The following CLINT1 variants were observed in gnomAD, a reference collection of about 807,000 sequenced individuals.
CLINT1 encodes clathrin interactor 1.
Under a neutral mutation model 70.4 loss-of-function variants are expected in CLINT1, and 15 were observed. The ratio of observed to expected loss-of-function variants is 0.21; its 90% confidence interval spans 0.14 to 0.33. CLINT1 has a LOEUF of 0.33. Among genes scored for constraint, CLINT1 ranks in the 10% least tolerant of loss-of-function variants. The pLI is 1.00. For missense variants in CLINT1, 615 were observed against 778.1 expected, an observed-to-expected ratio of 0.79 and a Z score of 2.49; for synonymous variants, 227 against 254.7, an observed-to-expected ratio of 0.89 and a Z score of 1.04.
chr5:157,814,273 G>A lies in CLINT1; in HGVS notation c.264C>T (p.Tyr88=), dbSNP rs764427998. 6 of 1,609,298 alleles carry A rather than the reference G, an allele frequency of 3.7e-6. No homozygotes were observed. The Admixed American group carries it at 5.0e-5, about 14-fold the overall frequency. Residue 88 remains tyrosine, a synonymous_variant, in exon 4 of 12, where the codon TAC becomes TAT. Transcript: ENST00000411809. Reference sequence around the variant, plus strand: ...CACGCTCTGATCCATTCCTTATGAGGTAAGCTAGGAGCAGCAACGACTGCA... The same window carrying A: ...CACGCTCTGATCCATTCCTTATGAGATAAGCTAGGAGCAGCAACGACTGCA... ...RVYKSLLLLA[Y]LIRNGSERVV... is the part of the protein sequence containing the mutation.
intron 1 of CLINT1, among the ~76,000 whole-genome samples, chr5:157,834,113 A>T (rs1349486895): frequency 6.7e-6 from 1 of 150,198 alleles, no homozygotes; most frequent in Admixed American, 6.6e-5. Flanking sequence ...AGGCCAAGGC[A>T]AGCGGATTGC....
intron 1 of CLINT1, among the ~76,000 whole-genome samples, chr5:157,846,297 G>A (rs772768006): frequency 1.6e-4 from 24 of 152,200 alleles, no homozygotes; most frequent in Non-Finnish European, 2.9e-4. Flanking sequence ...CTAGTCTAGT[G>A]AACACAACAA....
rs750520152 is a variant in CLINT1 at position 157,787,863 on chromosome 5, G to A, written c.1661C>T (p.Pro554Leu). The A allele has an allele frequency of 6.2e-7, 1 of 1,613,852 alleles. No homozygotes were observed. The highest frequency in any genetic ancestry group is 2.2e-5 in the East Asian group (1 of 44,862). Residue 554 changes from proline to leucine, a missense_variant, in exon 12 of 12, where the codon CCC becomes CTC. Physicochemically the swap from Pro to Leu is moderately conservative, Grantham distance 98. Transcript: ENST00000411809. ...TCCCATGGTGCCAGTCATCACATTG[G>A]GCATGCTCATAGGCATGGGTCCCCC... ...LIGGPMPMSM[P>L]NVMTGTMGMA...
intron 1 of CLINT1, among the ~76,000 whole-genome samples, chr5:157,852,962 A>G (rs1753624193): frequency 2.0e-5 from 3 of 152,260 alleles, no homozygotes; most frequent in Admixed American, 1.3e-4. Context: ...TTAACTGTAT[A>G]TAAGAACCTT....
At chr5:157,810,957 A>G (rs916599589) in intron 5 of CLINT1, among the ~76,000 whole-genome samples, 2 of 152,234 alleles carry the variant, frequency 1.3e-5, no homozygotes, top group African/African-American at 4.8e-5. Flanking sequence ...GGATTTTAAC[A>G]TATTTACTGA....
At chr5:157,791,317 G>A (rs903583792) in intron 10 of CLINT1, among the ~76,000 whole-genome samples, 8 of 152,138 alleles carry the variant, frequency 5.3e-5, no homozygotes, top group East Asian at 3.9e-4. Context: ...CTCAGCCTCC[G>A]AAAGTGCTGG....
chr5:157,791,692 A>G lies in CLINT1; in HGVS notation c.1380+11T>C, dbSNP rs1431651261. On this transcript the variant is annotated intron_variant, in intron 10 of 11. Transcript: ENST00000411809. The stretch of plus-strand genomic sequence containing the variant: ...ATAAATAACAAATTCCAAGGGAACC[A>G]GACAACTTACCTGTGATCTTGACAT... 6.3e-7 allele frequency: 1 copy of G among 1,597,200 alleles called. No homozygotes were observed.
At chr5:157,844,406 A>G (rs1753298744) in intron 1 of CLINT1, among the ~76,000 whole-genome samples, 1 of 152,180 alleles carries the variant, frequency 6.6e-6, no homozygotes, top group South Asian at 2.1e-4. Context: ...TCATATGCAT[A>G]TGCCTTACAG....
At chr5:157,793,145 A>C (rs1761969312) in intron 9 of CLINT1, among the ~76,000 whole-genome samples, 1 of 152,150 alleles carries the variant, frequency 6.6e-6, no homozygotes, top group Non-Finnish European at 1.5e-5. Context: ...TCCAAGTTCT[A>C]CTAACAATTT....
chr5:157,853,223 C>T (rs1053525692), intron 1 of CLINT1, among the ~76,000 whole-genome samples: 6 of 152,042 alleles, frequency 3.9e-5, no homozygotes, highest in African/African-American at 1.4e-4. Flanking sequence ...CCTGTAATCC[C>T]AGCTACTTGG....
At chr5:157,792,818 GA>G (rs1761960087) in intron 9 of CLINT1, among the ~76,000 whole-genome samples, 1 of 152,220 alleles carries the variant, frequency 6.6e-6, no homozygotes, top group Non-Finnish European at 1.5e-5. Flanking sequence ...ATATTGAAAG[GA>G]ACAGATAAAT....
chr5:157,795,197 A>G (rs897012187), intron 8 of CLINT1: 8 of 494,590 alleles, frequency 1.6e-5, no homozygotes, highest in Admixed American at 1.1e-4. Context: ...AAGATAAATG[A>G]CACTGTATCT....
chr5:157,787,879 T>G lies in CLINT1; in HGVS notation c.1645A>C (p.Met549Leu). The G allele has an allele frequency of 1.2e-6, 2 of 1,613,916 alleles. No homozygotes were observed. The highest frequency in any genetic ancestry group is 8.5e-7 in the Non-Finnish European group (1 of 1,179,846). The change falls in exon 12 of 12, where the codon ATG (methionine) becomes CTG (leucine). Residue 549 changes from methionine (M) to leucine (L), a missense_variant. By Grantham distance (15) the Met-to-Leu change is conservative. Around this residue, in one of 2 missense-constraint regions of CLINT1, gnomAD observed 374 missense variants for 409.6 expected, o/e 0.91. Coordinates refer to ENST00000411809, the MANE Select transcript of CLINT1 (RefSeq NM_014666.4). ...ATCACATTGGGCATGCTCATAGGCA[T>G]GGGTCCCCCTATCAAAGCATTAGTT... ...PQTNALIGGP[M>L]PMSMPNVMTG...
chr5:157,855,142 GA>G (rs1554103602), intron 1 of CLINT1, among the ~76,000 whole-genome samples: 15 of 25,970 alleles, frequency 5.8e-4, no homozygotes, highest in African/African-American at 9.5e-4. Context: ...AACTGTCTCC[GA>G]AAAAAAAAAA....
chr5:157,833,584 T>C (rs1429380872), intron 1 of CLINT1, among the ~76,000 whole-genome samples: 1 of 152,006 alleles, frequency 6.6e-6, no homozygotes, highest in Non-Finnish European at 1.5e-5. Flanking sequence ...CCCAAAACAG[T>C]TGGGAGTCTG....
At chr5:157,843,426 G>A (rs1753259354) in intron 1 of CLINT1, among the ~76,000 whole-genome samples, 1 of 152,136 alleles carries the variant, frequency 6.6e-6, no homozygotes. Flanking sequence ...AAAAGAATAA[G>A]AATAAAGTTT....
At chr5:157,855,573 CA>C (rs1362392468) in intron 1 of CLINT1, among the ~76,000 whole-genome samples, 1 of 152,112 alleles carries the variant, frequency 6.6e-6, no homozygotes, top group East Asian at 1.9e-4. Context: ...CAATGTTCTG[CA>C]AAACAAATCC....
At position 157,809,814 on chromosome 5, in the gene CLINT1, A is replaced by G. The variant is rs765970062; in HGVS notation, c.518-9T>C. ...AGGATCATATCTTTCACCTAGATAG[A>G]GCATTAAAAAAAGAAGCAATTCTAA... On this transcript the variant is annotated splice_polypyrimidine_tract_variant and intron_variant, in intron 5 of 11. Coordinates refer to ENST00000411809, the MANE Select transcript of CLINT1 (RefSeq NM_014666.4). 3 of 1,604,580 alleles carry G rather than the reference A, an allele frequency of 1.9e-6. No individual in the cohort carries two copies. Among genetic ancestry groups the G allele is most frequent in the South Asian group, 1.1e-5 (1 of 88,842 alleles).
chr5:157,836,195 C>T (rs896782215), intron 1 of CLINT1, among the ~76,000 whole-genome samples: 6 of 152,312 alleles, frequency 3.9e-5, no homozygotes, highest in African/African-American at 1.4e-4. Flanking sequence ...ATACACATAA[C>T]TCTAATGGGC....
Sources: allele counts gnomAD v4.1 joint callset (sites outside exome capture counted in the v4.1 genomes callset), GRCh38; gene constraint gnomAD v4.1.1; regional missense constraint gnomAD v4.1.1; transcripts MANE v1.5; gene names NCBI Gene and HGNC (gene_info 2026-07-23, HGNC 2026-07-21).